The following MICOS10 variants were observed in gnomAD, a reference collection of about 807,000 sequenced individuals.
The protein encoded by MICOS10 is mitochondrial contact site and cristae organizing system subunit 10, also known as MICOS complex subunit MIC10.
MICOS10 carries 5 observed loss-of-function variants against 13.4 expected under a neutral mutation model. The ratio of observed to expected loss-of-function variants is 0.37; its 90% CI spans 0.20 to 0.78. The LOEUF is 0.78. Among genes scored for constraint, MICOS10 ranks in the 30% least tolerant of loss-of-function variants. The probability of loss-of-function intolerance (pLI) is 0.47; values close to 1 mark genes in which losing one functional copy is unlikely to be tolerated. For synonymous variants in MICOS10, 35 were observed against 33.6 expected (o/e 1.04, Z -0.15); for missense variants, 101 against 94.6 (o/e 1.07, Z -0.28).
intron 1 of MICOS10, among the ~76,000 whole-genome samples, chr1:19,612,306 T>C (rs914916110): frequency 3.3e-5 from 5 of 151,590 alleles, no homozygotes; most frequent in Non-Finnish European, 5.9e-5. Context: ...TCCGCCTGCC[T>C]CAGCCTCCCA....
chr1:19,605,559 TCATC>T (rs776098294), intron 1 of MICOS10, among the ~76,000 whole-genome samples: 2 of 152,256 alleles, frequency 1.3e-5, no homozygotes, highest in Non-Finnish European at 2.9e-5. Flanking sequence ...TTTTCAGTAT[TCATC>T]CATGCTGTTG....
At chr1:19,623,832 C>A in intron 3 of MICOS10, 1 of 324,206 alleles carries the variant, frequency 3.1e-6, no homozygotes, top group Non-Finnish European at 5.6e-6. Context: ...AATTAAGGAG[C>A]CTGCTTGAAT....
intron 1 of MICOS10, among the ~76,000 whole-genome samples, chr1:19,611,987 A>AAAAAAAG (rs1558342500): frequency 6.8e-6 from 1 of 147,748 alleles, no homozygotes; most frequent in African/African-American, 2.5e-5. Flanking sequence ...AAAAAAAAAG[A>AAAAAAAG]TTTTTTTTTC....
chr1:19,599,925 A>G (rs1276251050), intron 1 of MICOS10, among the ~76,000 whole-genome samples: 1 of 152,170 alleles, frequency 6.6e-6, no homozygotes, highest in African/African-American at 2.4e-5. Context: ...TATTGCTTCC[A>G]GGGCTCACTA....
chr1:19,618,525 G>T (rs978972368), intron 1 of MICOS10, among the ~76,000 whole-genome samples: 9 of 152,106 alleles, frequency 5.9e-5, no homozygotes, highest in African/African-American at 2.2e-4. Context: ...CACTATTAGA[G>T]ACTTTCCATT....
chr1:19,626,827 A>G lies in MICOS10; in HGVS notation c.*426A>G, dbSNP rs1558350171. ...TCCACCTCGTAATCAGAAGTTGAAG[A>G]TTGCTGCTGCGTGGCCTGATGGAGA... On this transcript the variant is annotated 3_prime_UTR_variant, in exon 4 of 4. Transcript: ENST00000322753. 5.0e-6 allele frequency: 1 copy of G among 200,492 alleles called. No individual in the cohort carries two copies. The highest frequency in any genetic ancestry group is 1.2e-4 in the East Asian group (1 of 8,648). 12.4% of individuals were successfully genotyped at this position (200,492 alleles called of 1,614,324 possible).
chr1:19,615,360 G>A (rs1300443247), intron 1 of MICOS10, among the ~76,000 whole-genome samples: 2 of 98,862 alleles, frequency 2.0e-5, no homozygotes, highest in Admixed American at 8.5e-5. Context: ...ACATCTCATG[G>A]GTTTCATCCT....
chr1:19,611,556 C>G (rs932349315), intron 1 of MICOS10, among the ~76,000 whole-genome samples: 3 of 148,886 alleles, frequency 2.0e-5, no homozygotes, highest in Non-Finnish European at 4.4e-5. Flanking sequence ...TCACTGCAGC[C>G]TTGACCTCCT....
At chr1:19,615,747 C>T (rs959567365) in intron 1 of MICOS10, among the ~76,000 whole-genome samples, 1 of 151,068 alleles carries the variant, frequency 6.6e-6, no homozygotes, top group Non-Finnish European at 1.5e-5. Flanking sequence ...CCACACCCTG[C>T]TGAACTTTCC....
Position 19,627,917 on chromosome 1 carries a change from A to C in MICOS10, c.*1516A>C, listed in dbSNP as rs1359462096. The stretch of plus-strand genomic sequence containing the variant: ...AAAGGTCTGCTAGGCTCTGCCCTGC[A>C]AACTGTCCAGGCTCCTCTGCCCTCT... On this transcript the variant is annotated 3_prime_UTR_variant, in exon 4 of 4. Transcript: ENST00000322753. The C allele has an allele frequency of 2.6e-5, 4 of 152,362 alleles. No individual in the cohort carries two copies. Among genetic ancestry groups the C allele is most frequent in the Non-Finnish European group, 5.9e-5 (4 of 68,172 alleles). 9.4% of individuals were successfully genotyped at this position (152,362 alleles called of 1,614,324 possible).
intron 1 of MICOS10, among the ~76,000 whole-genome samples, chr1:19,612,551 C>T (rs1029913992): frequency 5.3e-5 from 8 of 151,806 alleles, no homozygotes; most frequent in Admixed American, 1.3e-4. Context: ...GGTGGAACCC[C>T]ACCTCCATTA....
At chr1:19,612,403 G>T (rs1220038551) in intron 1 of MICOS10, among the ~76,000 whole-genome samples, 1 of 151,520 alleles carries the variant, frequency 6.6e-6, no homozygotes, top group African/African-American at 2.4e-5. Flanking sequence ...GTTTTTTATG[G>T]GGCTTGGTAG....
chr1:19,628,041 G>A lies in MICOS10; in HGVS notation c.*1640G>A, dbSNP rs937829243. ...CATATAATTGAAAGAAAAATAATGT[G>A]CAGCCTGTTTCATCCCTTCCACTTG... On this transcript the variant is annotated 3_prime_UTR_variant, in exon 4 of 4. Transcript: ENST00000322753. The A allele has an allele frequency of 2.6e-5, 4 of 152,004 alleles. No homozygotes were observed. Among genetic ancestry groups the A allele is most frequent in the Admixed American group, 6.5e-5 (1 of 15,268 alleles). 9.4% of individuals were successfully genotyped at this position (152,004 alleles called of 1,614,324 possible).
intron 1 of MICOS10, among the ~76,000 whole-genome samples, chr1:19,609,787 T>C (rs527755148): frequency 7.2e-5 from 11 of 152,248 alleles, no homozygotes; most frequent in African/African-American, 2.4e-4. Flanking sequence ...TTCTAGGAAA[T>C]ACAAACCAAT....
intron 1 of MICOS10, chr1:19,601,195 A>G (rs2094813378): frequency 5.6e-6 from 2 of 354,082 alleles, no homozygotes; most frequent in African/African-American, 4.3e-5. Context: ...AGGCTTGAAT[A>G]ATATCTTAAT....
chr1:19,618,168 A>G (rs2094891126), intron 1 of MICOS10, among the ~76,000 whole-genome samples: 1 of 142,368 alleles, frequency 7.0e-6, no homozygotes, highest in South Asian at 2.2e-4. Flanking sequence ...ATACAGTGGT[A>G]TGATCATGGC....
intron 1 of MICOS10, among the ~76,000 whole-genome samples, chr1:19,618,212 C>A (rs947601024): frequency 5.3e-5 from 8 of 149,770 alleles, no homozygotes; most frequent in African/African-American, 2.0e-4. Context: ...CTAAAGTGAT[C>A]CTCCCACCCA....
rs768233774 is a variant in MICOS10 at position 19,597,020 on chromosome 1, GA to G, written c.-23del. ...TCGGAGCGCGGGGGCCGGCCGAGAG[GA>G]AAGCTGGAGGCGCGGGTGGGGAACA... On this transcript the variant is annotated 5_prime_UTR_variant, in exon 1 of 4. Coordinates refer to ENST00000322753, the MANE Select transcript of MICOS10 (RefSeq NM_001032363.4). 2 of 1,575,212 alleles carry G rather than the reference GA, an allele frequency of 1.3e-6. No individual in the cohort carries two copies. Among genetic ancestry groups the G allele is most frequent in the Admixed American group, 3.8e-5 (2 of 52,158 alleles).
intron 1 of MICOS10, among the ~76,000 whole-genome samples, chr1:19,613,788 G>A (rs1025813799): frequency 3.9e-5 from 6 of 152,252 alleles, no homozygotes; most frequent in South Asian, 4.2e-4. Flanking sequence ...AGCTTCCTAC[G>A]TCTGTGAGGA....
Sources: gnomAD v4.1 joint callset for allele counts (sites outside exome capture counted in the v4.1 genomes callset) on GRCh38, gnomAD v4.1.1 for gene constraint, MANE v1.5 for transcripts, NCBI Gene and HGNC (gene_info 2026-07-23, HGNC 2026-07-21) for gene names.